VWA3B: variants seen among roughly 807,000 people sequenced by gnomAD.
VWA3B encodes von Willebrand factor A domain containing 3B.
In VWA3B, 138 loss-of-function variants were observed where a neutral mutation model predicts 158.3. The ratio of observed to expected loss-of-function variants is 0.87; its 90% confidence interval spans 0.76 to 1.00. VWA3B has a LOEUF of 1.00. Among genes scored for constraint, VWA3B ranks in the 50% least tolerant of loss-of-function variants. The probability of loss-of-function intolerance (pLI) is 0.00; values close to 1 mark genes in which losing one functional copy is unlikely to be tolerated. For synonymous variants in VWA3B, 596 were observed against 587.3 expected, an observed-to-expected ratio of 1.01 and a Z score of -0.21; for missense variants, 1,555 against 1,565.1, an observed-to-expected ratio of 0.99 and a Z score of 0.11.
At chr2:98,329,023 G>A in the VWA3B span, among the ~76,000 whole-genome samples, 6 of 152,112 alleles carry the variant, frequency 3.9e-5, no homozygotes, top group Non-Finnish European at 8.8e-5. Flanking sequence ...TCCAAAAAAG[G>A]ACCCACACAC....
At chr2:98,249,855 T>C (rs937497472) in intron 19 of VWA3B, among the ~76,000 whole-genome samples, 1 of 151,944 alleles carries the variant, frequency 6.6e-6, no homozygotes, top group Non-Finnish European at 1.5e-5. Context: ...CGTCAAAATA[T>C]GGTAACTATA....
At chr2:98,291,194 G>A (rs1689474848) in intron 23 of VWA3B, 1 of 153,830 alleles carries the variant, frequency 6.5e-6, no homozygotes, top group South Asian at 2.1e-4. Flanking sequence ...GGAGTTCTAA[G>A]CAGAAACAAC....
the VWA3B span, among the ~76,000 whole-genome samples, chr2:98,328,182 A>G: frequency 6.6e-6 from 1 of 151,926 alleles, no homozygotes; most frequent in African/African-American, 2.4e-5. Context: ...TTTTTTCTTG[A>G]TCAGTCCCCA....
chr2:98,255,936 G>A (rs1350551373), intron 20 of VWA3B, among the ~76,000 whole-genome samples, 188 bp from the exon 21 acceptor site: 1 of 152,080 alleles, frequency 6.6e-6, no homozygotes, highest in Non-Finnish European at 1.5e-5. Flanking sequence ...TGACGCAATT[G>A]CCACAAAACC....
the VWA3B span, among the ~76,000 whole-genome samples, chr2:98,319,876 TCACACACACACACACA>T: frequency 1.4e-5 from 2 of 147,330 alleles, no homozygotes; most frequent in Admixed American, 1.4e-4. Context: ...TGAGACTCCA[TCACACACACACACACA>T]CACACACACA....
At chr2:98,175,186 G>A (rs1295261614) in intron 8 of VWA3B, among the ~76,000 whole-genome samples, 1 of 152,140 alleles carries the variant, frequency 6.6e-6, no homozygotes, top group Non-Finnish European at 1.5e-5. Flanking sequence ...TGTCCATGAG[G>A]GAATTGTCCA....
chr2:98,206,957 A>G (rs1024760480), intron 12 of VWA3B: 12 of 478,348 alleles, frequency 2.5e-5, no homozygotes, highest in South Asian at 1.8e-4. Context: ...ATGTAAGGTC[A>G]GATGAATGAA....
chr2:98,213,524 A>G (rs955226722), intron 13 of VWA3B, among the ~76,000 whole-genome samples: 2 of 152,166 alleles, frequency 1.3e-5, no homozygotes, highest in African/African-American at 4.8e-5. Context: ...ACAGGACCTC[A>G]TGGCCAGTTT....
At position 98,125,825 on chromosome 2, in the gene VWA3B, G is replaced by A. The variant is rs1015366341; in HGVS notation, c.703-2414G>A. ...ACTACAGGCGCCTGCCACCACATCCGGCTAATTTTTCTGTATTTTTAGTAG... is the reference window on the plus strand; with the variant it reads ...ACTACAGGCGCCTGCCACCACATCCAGCTAATTTTTCTGTATTTTTAGTAG... On this transcript the variant is annotated intron_variant, in intron 5 of 27. Transcript: ENST00000477737. This position sits in a 1 kb window ranked among gnomAD's most constrained non-coding sequence, Gnocchi z 4.1. Among the ~76,000 whole-genome samples, 2 of 151,998 alleles carry A rather than the reference G, an allele frequency of 1.3e-5. No individual in the cohort carries two copies. Among genetic ancestry groups the A allele is most frequent in the Non-Finnish European group, 2.9e-5 (2 of 67,994 alleles).
chr2:98,160,025 A>G (rs1057128402), intron 7 of VWA3B, among the ~76,000 whole-genome samples: 8 of 146,220 alleles, frequency 5.5e-5, no homozygotes, highest in Non-Finnish European at 9.1e-5. Context: ...AAAAAAAAAG[A>G]TACATAAAGA....
At chr2:98,245,856 G>C (rs1686359140) in intron 19 of VWA3B, among the ~76,000 whole-genome samples, 1 of 152,084 alleles carries the variant, frequency 6.6e-6, no homozygotes, top group Non-Finnish European at 1.5e-5. Context: ...TCTATTTCGA[G>C]AGATGATTTT....
At chr2:98,168,366 T>TACACACATAC (rs1299335759) in intron 8 of VWA3B, among the ~76,000 whole-genome samples, 28 of 107,788 alleles carry the variant, frequency 2.6e-4, no homozygotes, top group South Asian at 8.7e-4. Context: ...TTCAATCTAA[T>TACACACATAC]ACACACACAT....
chr2:98,188,239 C>T, intron 10 of VWA3B, 110 bp downstream of exon 10: 1 of 1,388,030 alleles, frequency 7.2e-7, no homozygotes, highest in Non-Finnish European at 9.8e-7. Flanking sequence ...ATGATTGTAC[C>T]TATTTATGTG....
chr2:98,135,325 C>CTTTTT (rs397873615), intron 7 of VWA3B, among the ~76,000 whole-genome samples: 6 of 96,386 alleles, frequency 6.2e-5, no homozygotes, highest in African/African-American at 8.5e-5. Flanking sequence ...AAACATTTTT[C>CTTTTT]TTTTTTTTTT....
intron 22 of VWA3B, 135 bp downstream of exon 22, chr2:98,271,018 T>A: frequency 1.2e-6 from 1 of 840,966 alleles, no homozygotes; most frequent in Non-Finnish European, 1.9e-6. Context: ...CCAATCCAGT[T>A]AAGGTCTCAG....
intron 22 of VWA3B, among the ~76,000 whole-genome samples, chr2:98,279,333 C>G (rs1218390110): frequency 2.0e-5 from 3 of 152,180 alleles, no homozygotes; most frequent in Non-Finnish European, 2.9e-5. Context: ...ACCAGGCTGT[C>G]TTTTCATTCT....
intron 22 of VWA3B, among the ~76,000 whole-genome samples, chr2:98,288,346 A>T (rs971640844): frequency 6.6e-6 from 1 of 152,198 alleles, no homozygotes; most frequent in African/African-American, 2.4e-5. Context: ...TTTCCATGTC[A>T]GTTCAGTTTT....
chr2:98,119,783 G>T lies in VWA3B; in HGVS notation c.542+20G>T. ...CATACGGTGAGTTCCCATAGGAAGG[G>T]AGTATTTTAGTGAAAGTTCATAGTA... On this transcript the variant is annotated intron_variant, in intron 4 of 27. Coordinates refer to ENST00000477737, the MANE Select transcript of VWA3B (RefSeq NM_144992.5). 6.2e-7 allele frequency: 1 copy of T among 1,609,306 alleles called. No homozygotes were observed. The highest frequency in any genetic ancestry group is 8.5e-7 in the Non-Finnish European group (1 of 1,176,368).
intron 8 of VWA3B, among the ~76,000 whole-genome samples, chr2:98,163,532 G>A (rs1013743814): frequency 1.3e-5 from 2 of 152,026 alleles, no homozygotes; most frequent in African/African-American, 4.8e-5. Flanking sequence ...GAGAGACTCT[G>A]TCTCAAAAAC....
Sources: gnomAD v4.1 joint callset for allele counts (sites outside exome capture counted in the v4.1 genomes callset) on GRCh38, gnomAD v4.1.1 for gene constraint, Gnocchi (gnomAD v3.1) non-coding constraint, MANE v1.5 for transcripts, NCBI Gene and HGNC (gene_info 2026-07-23, HGNC 2026-07-21) for gene names.